PEMT: variants seen among roughly 807,000 people sequenced by gnomAD.
PEMT encodes phospholipid methyltransferase.
Under a neutral mutation model 27.4 loss-of-function variants are expected in PEMT, and 23 were observed. The observed-to-expected ratio is 0.84, with a 90% CI of 0.60 to 1.19. PEMT has a LOEUF of 1.19. PEMT is among the 50% of genes most tolerant of loss of function. The probability of loss-of-function intolerance (pLI) is 0.00; values close to 1 mark genes in which losing one functional copy is unlikely to be tolerated. For synonymous variants in PEMT, 137 were observed against 139.1 expected (o/e 0.98, Z 0.11); for missense variants, 307 against 310.1 (o/e 0.99, Z 0.07).
intron 1 of PEMT, among the ~76,000 whole-genome samples, chr17:17,579,722 G>T (rs1911865398): frequency 6.6e-6 from 1 of 152,212 alleles, no homozygotes; most frequent in African/African-American, 2.4e-5. Context: ...CCTCCTAAGG[G>T]ATGAATGAGC....
intron 1 of PEMT, among the ~76,000 whole-genome samples, chr17:17,580,349 C>T (rs555569639): frequency 1.4e-4 from 21 of 152,152 alleles, no homozygotes; most frequent in Admixed American, 7.9e-4. Context: ...TGGTGGCGCA[C>T]GCCTATAGGC....
intron 2 of PEMT, among the ~76,000 whole-genome samples, chr17:17,539,174 T>C (rs1013792618): frequency 3.3e-5 from 5 of 152,134 alleles, no homozygotes; most frequent in African/African-American, 1.2e-4. Context: ...AAAGATGGGG[T>C]CTCGCTATGT....
At chr17:17,522,438 A>C in intron 2 of PEMT, 43 bp from the exon 3 acceptor site, 1 of 1,145,212 alleles carries the variant, frequency 8.7e-7, no homozygotes, top group African/African-American at 1.5e-5. Flanking sequence ...TTTCCTGGGG[A>C]GACTCCAGGG....
intron 2 of PEMT, among the ~76,000 whole-genome samples, chr17:17,549,949 G>A (rs367824285): frequency 1.3e-5 from 2 of 152,218 alleles, no homozygotes; most frequent in African/African-American, 2.4e-5. Flanking sequence ...CAGCGTGGGC[G>A]CAGGGAGGGA....
intron 2 of PEMT, among the ~76,000 whole-genome samples, chr17:17,559,388 G>A (rs567320450): frequency 6.6e-6 from 1 of 152,376 alleles, no homozygotes; most frequent in East Asian, 1.9e-4. Context: ...GAGGCAGGCA[G>A]AACAGGACTG....
intron 2 of PEMT, among the ~76,000 whole-genome samples, chr17:17,527,094 ACGGCGCAATCT>A (rs2142554516): frequency 6.6e-6 from 1 of 152,298 alleles, no homozygotes; most frequent in East Asian, 1.9e-4. Flanking sequence ...CTGGAGTGCA[ACGGCGCAATCT>A]CGGCTCACCA....
At chr17:17,557,630 A>C (rs904666602) in intron 2 of PEMT, among the ~76,000 whole-genome samples, 1 of 152,242 alleles carries the variant, frequency 6.6e-6, no homozygotes, top group Non-Finnish European at 1.5e-5. Flanking sequence ...AATGCCCAGG[A>C]GATGTTTGCT....
intron 1 of PEMT, among the ~76,000 whole-genome samples, chr17:17,588,622 G>A (rs1339753803): frequency 1.3e-5 from 2 of 152,192 alleles, no homozygotes; most frequent in African/African-American, 4.8e-5. Flanking sequence ...CCGCTCTGGT[G>A]AGCAGGTGAT....
intron 4 of PEMT, among the ~76,000 whole-genome samples, chr17:17,511,796 C>A (rs1906423700): frequency 6.7e-6 from 1 of 149,866 alleles, no homozygotes; most frequent in Non-Finnish European, 1.5e-5. Flanking sequence ...TTGTCCCCCA[C>A]CCCTGCCCCC....
At chr17:17,510,877 C>T (rs1259038877) in intron 4 of PEMT, among the ~76,000 whole-genome samples, 2 of 152,158 alleles carry the variant, frequency 1.3e-5, no homozygotes, top group Admixed American at 6.5e-5. Flanking sequence ...CTGGAGGGCC[C>T]CCGCCGCTGG....
upstream of PEMT, chr17:17,591,735 G>A: frequency 6.7e-6 from 10 of 1,485,610 alleles, no homozygotes; most frequent in Non-Finnish European, 9.0e-6. Context: ...CTTTCCCGGT[G>A]ACCCCCAACA....
rs1028282950 is a variant in PEMT, at chr17:17,513,688, G to A, written c.321-1034C>T. ...GTTCTCCAGTTGGCTCCGGAGAACTGAGGGGCTGGTGCAGGGAGGGCACAG... is the reference window on the plus strand; with the variant it reads ...GTTCTCCAGTTGGCTCCGGAGAACTAAGGGGCTGGTGCAGGGAGGGCACAG... On this transcript the variant is annotated intron_variant, in intron 3 of 6. Transcript: ENST00000255389. This position sits in a 1 kb window ranked among gnomAD's most constrained non-coding sequence, Gnocchi z 4.1. 2.0e-5 allele frequency among the ~76,000 whole-genome samples: 3 copies of A among 152,182 alleles called. No individual in the cohort carries two copies. The highest frequency in any genetic ancestry group is 4.8e-5 in the African/African-American group (2 of 41,444).
At chr17:17,521,168 G>A (rs1907237133) in intron 3 of PEMT, among the ~76,000 whole-genome samples, 1 of 152,250 alleles carries the variant, frequency 6.6e-6, no homozygotes, top group African/African-American at 2.4e-5. Flanking sequence ...CACGTGGGGT[G>A]TGGCCAGGCA....
rs908298186 is a variant in PEMT, at chr17:17,582,171, G to A, written c.97-5144C>T. On this transcript the variant is annotated intron_variant, in intron 1 of 6. Coordinates refer to ENST00000255389, the MANE Select transcript of PEMT (RefSeq NM_148172.3). The surrounding 1 kb of genome is among the most constrained non-coding windows in gnomAD (Gnocchi z 4.9). Reference sequence around the variant, plus strand: ...ACCTCCTTCATACAACAGAGGTCCCGGCTTTCTGCTACCCAGTAATTCTAA... The same window carrying A: ...ACCTCCTTCATACAACAGAGGTCCCAGCTTTCTGCTACCCAGTAATTCTAA... 7 of 726,856 alleles carry A rather than the reference G, an allele frequency of 9.6e-6. No individual in the cohort carries two copies. Among genetic ancestry groups the A allele is most frequent in the Admixed American group, 1.3e-4 (2 of 15,916 alleles). The allele number at this position is 726,856 out of a possible 1,614,324, so 45.0% of individuals were successfully genotyped here.
chr17:17,574,433 C>T (rs889778887), intron 2 of PEMT, among the ~76,000 whole-genome samples: 4 of 151,600 alleles, frequency 2.6e-5, no homozygotes, highest in African/African-American at 4.9e-5. Flanking sequence ...GATTCTCCTG[C>T]CCCAGCCTCC....
chr17:17,572,719 C>T (rs892553447), intron 2 of PEMT, among the ~76,000 whole-genome samples: 1 of 152,244 alleles, frequency 6.6e-6, no homozygotes, highest in Admixed American at 6.5e-5. Flanking sequence ...ACAGTAGATG[C>T]TCAATAAACA....
chr17:17,514,914 TTC>T (rs1347472946), intron 3 of PEMT, among the ~76,000 whole-genome samples: 3 of 152,130 alleles, frequency 2.0e-5, no homozygotes, highest in Non-Finnish European at 4.4e-5. Flanking sequence ...GGGGAGAGCA[TTC>T]CAGAAAGAGG....
intron 1 of PEMT, among the ~76,000 whole-genome samples, chr17:17,587,730 C>A (rs185305037): frequency 6.6e-6 from 1 of 151,972 alleles, no homozygotes; most frequent in East Asian, 1.9e-4. Context: ...AAACAAAAAC[C>A]AGGTGTGGTG....
At chr17:17,541,739 A>G (rs1908898538) in intron 2 of PEMT, among the ~76,000 whole-genome samples, 1 of 152,242 alleles carries the variant, frequency 6.6e-6, no homozygotes. Context: ...AAGGCTCCTC[A>G]GCGACCGGGG....
Sources: allele counts gnomAD v4.1 joint callset (sites outside exome capture counted in the v4.1 genomes callset), GRCh38; gene constraint gnomAD v4.1.1; non-coding constraint Gnocchi (gnomAD v3.1); transcripts MANE v1.5; gene names NCBI Gene and HGNC (gene_info 2026-07-23, HGNC 2026-07-21).